Variants in ASXL1 observed in about 807,000 individuals in gnomAD.
The protein encoded by ASXL1 is polycomb group protein ASXL1.
In ASXL1, 65 loss-of-function variants were observed where a neutral mutation model predicts 89.1. The observed-to-expected ratio is 0.73, with a 90% confidence interval of 0.60 to 0.90. The LOEUF is 0.90. ASXL1 is among the 40% of genes least tolerant of loss of function. The pLI, the probability that ASXL1 is intolerant of heterozygous loss-of-function variation, is 0.00. For synonymous variants in ASXL1, 739 were observed against 746.9 expected (o/e 0.99, Z 0.17); for missense variants, 1,786 against 1,942.9 (o/e 0.92, Z 1.52).
rs2145369097 is a variant in ASXL1, at chr20:32,435,261, A to T, written c.2549A>T (p.Glu850Val). 6.2e-7 allele frequency: 1 copy of T among 1,614,106 alleles called. No individual in the cohort carries two copies. Among genetic ancestry groups the T allele is most frequent in the Non-Finnish European group, 8.5e-7 (1 of 1,180,020 alleles). Residue 850 changes from glutamate to valine, a missense_variant, in exon 13 of 13, where the codon GAA becomes GTA. Around this residue, in one of 3 missense-constraint regions of ASXL1, gnomAD observed 1,418 missense variants for 1,427.8 expected, o/e 0.99. Transcript: ENST00000375687. The stretch of plus-strand genomic sequence containing the variant: ...AATGTGACCCCCAGTTCCACACCTG[A>T]ATCCTCACCGACTGATTGCCTGCAG... ...PVNVTPSSTPESSPTDCLQNR... is the reference protein window; with the variant it reads ...PVNVTPSSTPVSSPTDCLQNR...
intron 3 of ASXL1, among the ~76,000 whole-genome samples, chr20:32,368,674 T>C (rs1343445126): frequency 1.3e-5 from 2 of 152,188 alleles, no homozygotes; most frequent in Non-Finnish European, 2.9e-5. Context: ...TAGTAAAATT[T>C]TACTAAAAAT....
At chr20:32,364,770 G>GT (rs1463325963) in intron 1 of ASXL1, among the ~76,000 whole-genome samples, 1 of 152,228 alleles carries the variant, frequency 6.6e-6, no homozygotes, top group African/African-American at 2.4e-5. Flanking sequence ...TCTATAACAT[G>GT]TAAGTTCTAC....
intron 4 of ASXL1, among the ~76,000 whole-genome samples, chr20:32,402,735 A>T (rs1056525273): frequency 2.6e-5 from 4 of 152,182 alleles, no homozygotes; most frequent in Non-Finnish European, 5.9e-5. Context: ...TCATCTCCTT[A>T]GGTTCCATTT....
intron 3 of ASXL1, 72 bp from the exon 4 acceptor site, chr20:32,368,943 G>A: frequency 1.6e-6 from 2 of 1,287,858 alleles, no homozygotes; most frequent in Non-Finnish European, 2.2e-6. Flanking sequence ...TTAAGAATGA[G>A]TTGGAGGGAT....
chr20:32,417,993 A>AT (rs1484431153), intron 4 of ASXL1, among the ~76,000 whole-genome samples: 4 of 152,050 alleles, frequency 2.6e-5, no homozygotes, highest in African/African-American at 7.2e-5. Context: ...CCTGGCCAAC[A>AT]TGGGGAAACC....
intron 4 of ASXL1, among the ~76,000 whole-genome samples, chr20:32,424,777 C>T (rs2011226383): frequency 6.6e-6 from 1 of 152,084 alleles, no homozygotes; most frequent in Admixed American, 6.6e-5. Context: ...GAAGGAAATA[C>T]CTTAAAATTT....
intron 4 of ASXL1, among the ~76,000 whole-genome samples, chr20:32,381,584 G>A (rs1033112998): frequency 2.7e-5 from 4 of 146,926 alleles, no homozygotes; most frequent in Admixed American, 2.1e-4. Context: ...GCGGGATCTC[G>A]GCTCACTGCA....
In ASXL1 at chr20:32,434,530, G is replaced by C. The variant is rs2145357173; in HGVS notation, c.1818G>C (p.Arg606=). ...RIIPTTESSC[R]GWTGARTLAD... The stretch of plus-strand genomic sequence containing the variant: ...TCCCCACCACGGAGTCCTCCTGCCG[G>C]GGTTGGACTGGCGCCAGGACCCTCG... The change falls in exon 13 of 13, where the codon CGG becomes CGC. Residue 606 remains arginine (R), a synonymous_variant. Coordinates refer to ENST00000375687, the MANE Select transcript of ASXL1 (RefSeq NM_015338.6). 2 of 1,613,980 alleles carry C rather than the reference G, an allele frequency of 1.2e-6. No individual in the cohort carries two copies. Among genetic ancestry groups the C allele is most frequent in the African/African-American group, 1.3e-5 (1 of 75,044 alleles).
chr20:32,368,903 T>C (rs1332824366), intron 3 of ASXL1, 112 bp from the exon 4 acceptor site: 1 of 790,578 alleles, frequency 1.3e-6, no homozygotes, highest in Admixed American at 2.9e-5. Context: ...AGATTTTTTC[T>C]TCTGTATTTC....
chr20:32,384,126 A>G (rs1458620752), intron 4 of ASXL1, among the ~76,000 whole-genome samples: 1 of 150,608 alleles, frequency 6.6e-6, no homozygotes, highest in Non-Finnish European at 1.5e-5. Context: ...ACTGTGTACT[A>G]TAGGAGGTCT....
chr20:32,391,438 T>C (rs1223455639), intron 4 of ASXL1, among the ~76,000 whole-genome samples: 1 of 152,202 alleles, frequency 6.6e-6, no homozygotes, highest in East Asian at 1.9e-4. Flanking sequence ...TTTAAAGAAA[T>C]AGCTAAGCTG....
chr20:32,431,541 A>G (rs762875689), intron 9 of ASXL1, 42 bp from the exon 10 acceptor site: 2 of 1,613,766 alleles, frequency 1.2e-6, no homozygotes, highest in South Asian at 2.2e-5. Flanking sequence ...GTTCTCTTTT[A>G]AGTTTATTTA....
chr20:32,379,941 C>G (rs958690458), intron 4 of ASXL1, among the ~76,000 whole-genome samples: 17 of 151,972 alleles, frequency 1.1e-4, no homozygotes, highest in Non-Finnish European at 2.9e-5. Context: ...TCAGTTGAAC[C>G]CTTTTCCTGT....
chr20:32,386,050 C>G (rs2048573703), intron 4 of ASXL1, among the ~76,000 whole-genome samples: 1 of 152,138 alleles, frequency 6.6e-6, no homozygotes, highest in Non-Finnish European at 1.5e-5. Flanking sequence ...TTCCTGTGTC[C>G]AAACCTTACT....
intron 11 of ASXL1, 91 bp downstream of exon 11, chr20:32,433,076 A>G (rs2011575579): frequency 6.4e-7 from 1 of 1,570,874 alleles, no homozygotes; most frequent in Admixed American, 1.9e-5. Context: ...TGTGTTGGAC[A>G]AGAATGTGGA....
intron 6 of ASXL1, chr20:32,428,628 C>T: frequency 5.1e-6 from 2 of 388,356 alleles, no homozygotes; most frequent in Middle Eastern, 8.2e-4. Flanking sequence ...CTTTCTTTAC[C>T]TTGGCTGAGT....
chr20:32,358,456 G>T lies in ASXL1; in HGVS notation c.-320G>T. The T allele has an allele frequency of 4.3e-6, 1 of 232,114 alleles. No homozygotes were observed. Among genetic ancestry groups the T allele is most frequent in the East Asian group, 6.0e-5 (1 of 16,538 alleles). 14.4% of individuals were successfully genotyped at this position (232,114 alleles called of 1,614,324 possible). On this transcript the variant is annotated 5_prime_UTR_variant, in exon 1 of 13. Transcript: ENST00000375687. ...CCCTCAGCAGAGCGGGAAAGCGGAG[G>T]CCGGAGCCGTGACCTCTGACCCCGT...
intron 1 of ASXL1, among the ~76,000 whole-genome samples, chr20:32,365,073 T>G (rs1363458903): frequency 6.6e-6 from 1 of 152,174 alleles, no homozygotes. Flanking sequence ...AGAGTGGGTC[T>G]GGAGAAGAGG....
intron 4 of ASXL1, among the ~76,000 whole-genome samples, chr20:32,418,142 T>C (rs768660626): frequency 4.6e-5 from 7 of 151,950 alleles, no homozygotes; most frequent in Non-Finnish European, 1.0e-4. Context: ...GGAGCCACTG[T>C]ACTCCAGCCC....
Sources: gnomAD v4.1 joint callset for allele counts (sites outside exome capture counted in the v4.1 genomes callset) on GRCh38, gnomAD v4.1.1 for gene constraint, gnomAD v4.1.1 regional missense constraint, MANE v1.5 for transcripts, NCBI Gene and HGNC (gene_info 2026-07-23, HGNC 2026-07-21) for gene names.